Variants in NRG3 observed in about 807,000 individuals in gnomAD.
NRG3 encodes the protein pro-neuregulin-3, membrane-bound isoform.
Under a neutral mutation model 66.9 loss-of-function variants are expected in NRG3, and 31 were observed. That is an observed-to-expected ratio of 0.46 (90% CI 0.35 to 0.63). The LOEUF is 0.63. Ranked by LOEUF, NRG3 falls within the 20% of genes least tolerant of loss-of-function variation. The pLI is 0.00. For missense variants in NRG3, 910 were observed against 878.9 expected (o/e 1.04, Z -0.45); for synonymous variants, 393 against 359.4 (o/e 1.09, Z -1.06).
intron 2 of NRG3, among the ~76,000 whole-genome samples, chr10:82,362,837 A>G (rs967957597): frequency 8.5e-5 from 13 of 152,296 alleles, no homozygotes; most frequent in African/African-American, 3.1e-4. Flanking sequence ...ACTATCAGGT[A>G]AATAGAATCA....
At chr10:82,984,688 T>C (rs1853272923) in intron 8 of NRG3, 2 of 1,299,844 alleles carry the variant, frequency 1.5e-6, no homozygotes, top group South Asian at 2.7e-5. Context: ...GGTGGTCGAG[T>C]TGATGGAGTG....
At chr10:82,281,832 T>A (rs899232216) in intron 1 of NRG3, among the ~76,000 whole-genome samples, 2 of 152,184 alleles carry the variant, frequency 1.3e-5, no homozygotes, top group Non-Finnish European at 2.9e-5. Context: ...GTTTGTTTGT[T>A]TGTTTTTGTC....
intron 3 of NRG3, among the ~76,000 whole-genome samples, chr10:82,806,037 C>A (rs564257136): frequency 6.6e-6 from 1 of 152,204 alleles, no homozygotes; most frequent in East Asian, 1.9e-4. Flanking sequence ...TTATTAATAG[C>A]AAATTGTATA....
intron 2 of NRG3, among the ~76,000 whole-genome samples, chr10:82,686,707 G>A (rs567455747): frequency 1.1e-4 from 16 of 152,296 alleles, no homozygotes; most frequent in South Asian, 1.0e-3. Flanking sequence ...TGTATTTGAT[G>A]CAACACAGTC....
At position 81,957,588 on chromosome 10, in the gene NRG3, C is replaced by G. The variant is rs548799543; in HGVS notation, c.823+81425C>G. ...ATGAATACTTTGTAATAGCAGGGAC[C>G]TGGTCTGTCTTTCTGTTACTCTATT... On this transcript the variant is annotated intron_variant, in intron 1 of 8. Coordinates refer to ENST00000372141, the MANE Select transcript of NRG3 (RefSeq NM_001010848.4). Among the ~76,000 whole-genome samples the G allele has an allele frequency of 2.6e-5, 4 of 152,288 alleles. 1 individual carries two copies. In the South Asian group the frequency reaches 8.3e-4, roughly 32 times the overall value.
intron 2 of NRG3, among the ~76,000 whole-genome samples, chr10:82,543,627 C>T (rs1395253634): frequency 2.0e-5 from 3 of 152,108 alleles, no homozygotes; most frequent in Non-Finnish European, 4.4e-5. Flanking sequence ...ACTGTTCGTC[C>T]AGGGACTGTG....
intron 2 of NRG3, among the ~76,000 whole-genome samples, chr10:82,476,657 A>C (rs900469144): frequency 6.6e-6 from 1 of 152,190 alleles, no homozygotes; most frequent in Admixed American, 6.5e-5. Context: ...AAAGTAATCA[A>C]ATTCATAGAG....
chr10:82,879,625 A>C (rs1475374752), intron 4 of NRG3, among the ~76,000 whole-genome samples: 1 of 152,008 alleles, frequency 6.6e-6, no homozygotes, highest in Non-Finnish European at 1.5e-5. Flanking sequence ...GGCGCCCGCC[A>C]CCACACCCGG....
At chr10:82,262,542 T>C (rs2078084558) in intron 1 of NRG3, among the ~76,000 whole-genome samples, 1 of 152,248 alleles carries the variant, frequency 6.6e-6, no homozygotes, top group Admixed American at 6.5e-5. Context: ...ATTTAGTTGC[T>C]ACCAATGTCT....
chr10:82,106,452 G>T (rs1329217530), intron 1 of NRG3, among the ~76,000 whole-genome samples: 2 of 152,016 alleles, frequency 1.3e-5, no homozygotes, highest in African/African-American at 4.8e-5. Flanking sequence ...CCTAAGGTTA[G>T]GCTAGTTGTT....
At chr10:81,961,845 G>A (rs536418356) in intron 1 of NRG3, among the ~76,000 whole-genome samples, 3 of 152,250 alleles carry the variant, frequency 2.0e-5, no homozygotes, top group Non-Finnish European at 4.4e-5. Context: ...AAGAAGCACT[G>A]TCAACTCAGA....
chr10:82,708,103 A>G (rs2134361962), intron 2 of NRG3, among the ~76,000 whole-genome samples: 1 of 152,170 alleles, frequency 6.6e-6, no homozygotes, highest in East Asian at 1.9e-4. Flanking sequence ...AAGAACTCAT[A>G]TCCGTTTTTA....
At chr10:81,972,393 A>C (rs2059964036) in intron 1 of NRG3, among the ~76,000 whole-genome samples, 1 of 152,162 alleles carries the variant, frequency 6.6e-6, no homozygotes, top group African/African-American at 2.4e-5. Context: ...GCGATAGCAG[A>C]CAAGAACGGT....
intron 3 of NRG3, among the ~76,000 whole-genome samples, chr10:82,809,535 ATATAT>A (rs935872473): frequency 6.6e-6 from 1 of 152,078 alleles, no homozygotes; most frequent in African/African-American, 2.4e-5. Context: ...TGTCCCCATA[ATATAT>A]TATATCTTAT....
intron 4 of NRG3, among the ~76,000 whole-genome samples, chr10:82,947,947 A>T (rs1849169678): frequency 6.6e-6 from 1 of 152,006 alleles, no homozygotes; most frequent in Non-Finnish European, 1.5e-5. Flanking sequence ...ATTTTGAAAT[A>T]TTTTCTAGTT....
intron 2 of NRG3, among the ~76,000 whole-genome samples, chr10:82,457,704 A>C (rs2091334159): frequency 6.6e-6 from 1 of 152,194 alleles, no homozygotes; most frequent in African/African-American, 2.4e-5. Flanking sequence ...CCATATCATA[A>C]TTCAGCACAC....
At chr10:82,865,558 G>A in intron 4 of NRG3, 121 bp downstream of exon 4, 10 of 966,114 alleles carry the variant, frequency 1.0e-5, no homozygotes, top group Middle Eastern at 2.2e-4. Context: ...GCTATTAGTA[G>A]GAAAAAATAC....
intron 2 of NRG3, among the ~76,000 whole-genome samples, chr10:82,593,619 T>C (rs1414131221): frequency 6.6e-6 from 1 of 152,058 alleles, no homozygotes; most frequent in African/African-American, 2.4e-5. Context: ...AATTTAAGAA[T>C]GAAATGTGAT....
intron 2 of NRG3, among the ~76,000 whole-genome samples, chr10:82,702,389 C>A (rs1205737587): frequency 6.6e-6 from 1 of 152,160 alleles, no homozygotes; most frequent in Non-Finnish European, 1.5e-5. Flanking sequence ...AAATTTGGAA[C>A]AACGATAATT....
Sources: allele counts gnomAD v4.1 joint callset (sites outside exome capture counted in the v4.1 genomes callset), GRCh38; gene constraint gnomAD v4.1.1; transcripts MANE v1.5; gene names NCBI Gene and HGNC (gene_info 2026-07-23, HGNC 2026-07-21).